The following SRGAP2 variants were observed in gnomAD, a reference collection of about 807,000 sequenced individuals.
The protein encoded by SRGAP2 is SLIT-ROBO Rho GTPase-activating protein 2.
A neutral mutation model predicts 57.2 loss-of-function variants in SRGAP2; 15 were observed. The observed-to-expected ratio is 0.26, with a 90% CI of 0.18 to 0.40. SRGAP2 has a LOEUF of 0.40. Ranked by LOEUF, SRGAP2 falls within the 10% of genes least tolerant of loss-of-function variation. The pLI is 1.00. For missense variants in SRGAP2, 520 were observed against 669.6 expected (o/e 0.78, Z 2.47); for synonymous variants, 249 against 248.0 (o/e 1.00, Z -0.04).
chr1:206,319,077 A>C lies in SRGAP2; in HGVS notation c.260+15604A>C, dbSNP rs575272838. ...GGGCTTTGTCTTGGATTTTAACCTG[A>C]TACTTTCTCAGTGTTGGTTTTGCTA... On this transcript the variant is annotated intron_variant, in intron 3 of 22. Coordinates refer to ENST00000573034, the MANE Select transcript of SRGAP2 (RefSeq NM_015326.5). Among the ~76,000 whole-genome samples, 1,453 of 152,036 alleles carry C rather than the reference A, an allele frequency of 9.6e-3. 17 individuals are homozygous for C. Among genetic ancestry groups the C allele is most frequent in the African/African-American group, 0.033 (1,363 of 41,378 alleles).
At chr1:206,441,933 A>G (rs543357866) in intron 17 of SRGAP2, among the ~76,000 whole-genome samples, 1 of 152,364 alleles carries the variant, frequency 6.6e-6, no homozygotes, top group South Asian at 2.1e-4. Flanking sequence ...GGATCCATGA[A>G]TCTATCAGAG....
chr1:206,371,857 G>A (rs1236718121), intron 4 of SRGAP2, among the ~76,000 whole-genome samples: 1 of 90,554 alleles, frequency 1.1e-5, no homozygotes, highest in Non-Finnish European at 2.0e-5. Flanking sequence ...TTGCTCTGCT[G>A]CCCAGCCTGG....
intron 4 of SRGAP2, among the ~76,000 whole-genome samples, chr1:206,363,653 T>G (rs1179037242): frequency 5.3e-5 from 8 of 152,024 alleles, no homozygotes; most frequent in Admixed American, 4.6e-4. Context: ...GCTTTGTCTT[T>G]CATGGTTTTA....
At chr1:206,434,386 CAGG>C (rs1661550511) in intron 14 of SRGAP2, among the ~76,000 whole-genome samples, 2 of 152,190 alleles carry the variant, frequency 1.3e-5, no homozygotes, top group Non-Finnish European at 2.9e-5. Context: ...AAGAATTCTC[CAGG>C]AGAACAACTT....
At chr1:206,391,679 A>C (rs2993858) in intron 5 of SRGAP2, among the ~76,000 whole-genome samples, 1,147 of 142,476 alleles carry the variant, frequency 8.1e-3, no homozygotes, top group African/African-American at 0.028. Flanking sequence ...CTAATTCTCC[A>C]TCTCAAAGAA....
chr1:206,392,593 TG>T (rs1553350938), intron 5 of SRGAP2, 95 bp from the exon 6 acceptor site: 2 of 688,386 alleles, frequency 2.9e-6, no homozygotes, highest in African/African-American at 2.0e-5. Context: ...TATTGCTTCA[TG>T]GGGGAGAGCT....
At chr1:206,210,403 C>CTTTTTTTTT (rs71568077) in intron 2 of SRGAP2, among the ~76,000 whole-genome samples, 1 of 31,804 alleles carries the variant, frequency 3.1e-5, no homozygotes, top group Non-Finnish European at 6.2e-5. Context: ...GGGGTCTTGT[C>CTTTTTTTTT]TTTTTTTTTT....
At chr1:206,319,055 C>T (rs1213755809) in intron 3 of SRGAP2, among the ~76,000 whole-genome samples, 1 of 152,080 alleles carries the variant, frequency 6.6e-6, no homozygotes, top group Non-Finnish European at 1.5e-5. Context: ...TTGTTATGGG[C>T]TTTGTCTTGG....
chr1:206,415,766 T>A, intron 10 of SRGAP2, 123 bp from the exon 11 acceptor site: 1 of 684,888 alleles, frequency 1.5e-6, no homozygotes, highest in East Asian at 2.7e-5. Context: ...AAAAATTGAC[T>A]GGTGGAAATT....
intron 3 of SRGAP2, among the ~76,000 whole-genome samples, chr1:206,318,513 A>T (rs1265367172): frequency 6.6e-6 from 1 of 152,280 alleles, no homozygotes; most frequent in South Asian, 2.1e-4. Flanking sequence ...ATACATGTGC[A>T]TACAAATACA....
intron 3 of SRGAP2, among the ~76,000 whole-genome samples, chr1:206,323,506 G>A (rs1432748712): frequency 6.7e-6 from 1 of 150,136 alleles, no homozygotes; most frequent in Non-Finnish European, 1.5e-5. Context: ...TCCTAAGCCT[G>A]CTCCTAGGTT....
intron 2 of SRGAP2, among the ~76,000 whole-genome samples, chr1:206,284,005 T>C (rs1396691992): frequency 1.4e-3 from 202 of 149,276 alleles, no homozygotes; most frequent in African/African-American, 4.8e-3. Flanking sequence ...ATTAAAAATA[T>C]AGTTGGAAAT....
chr1:206,386,580 G>A (rs576050046), intron 5 of SRGAP2, among the ~76,000 whole-genome samples: 20 of 131,376 alleles, frequency 1.5e-4, no homozygotes, highest in African/African-American at 5.3e-4. Context: ...GGCAGATCAC[G>A]AGGTCAGGAG....
intron 4 of SRGAP2, among the ~76,000 whole-genome samples, chr1:206,373,064 G>T (rs1571987641): frequency 6.5e-5 from 5 of 76,770 alleles, no homozygotes; most frequent in African/African-American, 9.7e-5. Context: ...CTCTCTCTCT[G>T]CCCCCCCACT....
intron 2 of SRGAP2, among the ~76,000 whole-genome samples, chr1:206,254,261 C>T (rs1159288471): frequency 2.4e-5 from 3 of 126,754 alleles, no homozygotes. Context: ...ACCCAACACC[C>T]GGATTAAACA....
At chr1:206,221,239 C>T (rs1344537214) in intron 2 of SRGAP2, among the ~76,000 whole-genome samples, 1 of 149,330 alleles carries the variant, frequency 6.7e-6, no homozygotes, top group African/African-American at 2.6e-5. Flanking sequence ...CGTACCTGGC[C>T]TATATGTTTT....
intron 3 of SRGAP2, among the ~76,000 whole-genome samples, chr1:206,321,479 T>C (rs1571851007): frequency 2.4e-5 from 2 of 81,868 alleles, no homozygotes; most frequent in Admixed American, 2.9e-4. Context: ...ACCCTTCAAC[T>C]CTTATACTCA....
intron 22 of SRGAP2, among the ~76,000 whole-genome samples, chr1:206,460,721 G>A (rs1268520536): frequency 4.6e-5 from 7 of 151,904 alleles, no homozygotes; most frequent in African/African-American, 1.7e-4. Context: ...TACTTTGTCC[G>A]TGTTTCTCTT....
chr1:206,391,059 A>C (rs1553350273), intron 5 of SRGAP2, among the ~76,000 whole-genome samples: 2 of 152,068 alleles, frequency 1.3e-5, no homozygotes, highest in African/African-American at 4.8e-5. Flanking sequence ...CCAGATAATT[A>C]GTTGTTGTGG....
Sources: gnomAD v4.1 joint callset for allele counts (sites outside exome capture counted in the v4.1 genomes callset) on GRCh38, gnomAD v4.1.1 for gene constraint, MANE v1.5 for transcripts, NCBI Gene and HGNC (gene_info 2026-07-23, HGNC 2026-07-21) for gene names.